Variants in ZBTB20 observed in about 807,000 individuals in gnomAD.
The protein encoded by ZBTB20 is zinc finger and BTB domain-containing protein 20.
In ZBTB20, 9 loss-of-function variants were observed where a neutral mutation model predicts 56.9. The ratio of observed to expected loss-of-function variants is 0.16; its 90% confidence interval spans 0.10 to 0.28. The LOEUF (loss-of-function observed/expected upper bound fraction) is 0.28, where lower values mean the gene tolerates loss of function less well. Among genes scored for constraint, ZBTB20 ranks in the 10% least tolerant of loss-of-function variants. The pLI, the probability that ZBTB20 is intolerant of heterozygous loss-of-function variation, is 1.00. For synonymous variants in ZBTB20, 417 were observed against 420.7 expected (o/e 0.99, Z 0.11); for missense variants, 655 against 1,003.0 (o/e 0.65, Z 4.69).
At chr3:114,929,334 TG>T (rs2076273290) in intron 3 of ZBTB20, among the ~76,000 whole-genome samples, 1 of 152,152 alleles carries the variant, frequency 6.6e-6, no homozygotes, top group Non-Finnish European at 1.5e-5. Context: ...TGTTCCTACC[TG>T]GAAAATAGGG....
At chr3:114,617,067 C>T (rs2057988932) in intron 6 of ZBTB20, among the ~76,000 whole-genome samples, 1 of 152,100 alleles carries the variant, frequency 6.6e-6, no homozygotes, top group African/African-American at 2.4e-5. Context: ...CTCTATTCTC[C>T]CACTCCTATA....
chr3:114,838,062 G>A (rs1421709726), intron 4 of ZBTB20, among the ~76,000 whole-genome samples: 1 of 152,208 alleles, frequency 6.6e-6, no homozygotes, highest in African/African-American at 2.4e-5. Flanking sequence ...TAAGCAGAAA[G>A]TAGCAGTACA....
At chr3:114,526,112 C>T (rs2047190297) in intron 6 of ZBTB20, among the ~76,000 whole-genome samples, 1 of 152,042 alleles carries the variant, frequency 6.6e-6, no homozygotes, top group African/African-American at 2.4e-5. Flanking sequence ...ATTTGTTTTT[C>T]CTTGGCTCCA....
At chr3:114,709,202 T>C (rs551235815) in intron 5 of ZBTB20, among the ~76,000 whole-genome samples, 1 of 152,264 alleles carries the variant, frequency 6.6e-6, no homozygotes, top group Non-Finnish European at 1.5e-5. Context: ...TCAGCCTCCA[T>C]AGTATTAATT....
At chr3:114,371,859 A>G (rs1217009421) in intron 10 of ZBTB20, among the ~76,000 whole-genome samples, 2 of 152,142 alleles carry the variant, frequency 1.3e-5, no homozygotes, top group African/African-American at 4.8e-5. Flanking sequence ...ATAAAAAGTT[A>G]GAACTGGCAC....
intron 1 of ZBTB20, among the ~76,000 whole-genome samples, chr3:115,125,588 G>A (rs1482827207): frequency 1.3e-5 from 2 of 152,150 alleles, no homozygotes; most frequent in African/African-American, 4.8e-5. Context: ...AGATGGGAGA[G>A]ATGTTGGTTT....
At chr3:114,991,897 GTCTGTT>G (rs1477138326) in intron 2 of ZBTB20, among the ~76,000 whole-genome samples, 1 of 152,022 alleles carries the variant, frequency 6.6e-6, no homozygotes, top group Admixed American at 6.6e-5. Flanking sequence ...TTGGTTTAAA[GTCTGTT>G]TTATCAGAGA....
At chr3:114,903,867 G>T (rs2075220927) in intron 3 of ZBTB20, among the ~76,000 whole-genome samples, 1 of 151,866 alleles carries the variant, frequency 6.6e-6, no homozygotes, top group Admixed American at 6.6e-5. Context: ...TTATATATGA[G>T]GTTTGCAACT....
chr3:114,744,066 C>A (rs931454813), intron 5 of ZBTB20, among the ~76,000 whole-genome samples: 1 of 152,178 alleles, frequency 6.6e-6, no homozygotes. Flanking sequence ...GTTAAGGTAC[C>A]AACCACGCAC....
At chr3:114,364,977 C>T (rs531236157) in intron 10 of ZBTB20, among the ~76,000 whole-genome samples, 32 of 152,212 alleles carry the variant, frequency 2.1e-4, no homozygotes, top group African/African-American at 7.5e-4. Context: ...TCTGATGTGC[C>T]GGCGCCTGGT....
At chr3:114,468,027 A>C (rs940676953) in intron 7 of ZBTB20, among the ~76,000 whole-genome samples, 5 of 152,194 alleles carry the variant, frequency 3.3e-5, no homozygotes, top group Admixed American at 3.3e-4. Context: ...CATGTTATTA[A>C]GTGCAATGTT....
intron 4 of ZBTB20, among the ~76,000 whole-genome samples, chr3:114,884,402 T>A (rs1446048682): frequency 6.6e-6 from 1 of 152,218 alleles, no homozygotes; most frequent in South Asian, 2.1e-4. Flanking sequence ...ATGTTCACAG[T>A]AGACGGCCTA....
At chr3:115,038,579 T>C (rs937720849) in intron 2 of ZBTB20, among the ~76,000 whole-genome samples, 1 of 152,010 alleles carries the variant, frequency 6.6e-6, no homozygotes. Context: ...CCCAGTGAAG[T>C]TTCCTGAATA....
At chr3:114,541,492 A>G (rs2110107576) in intron 6 of ZBTB20, among the ~76,000 whole-genome samples, 1 of 152,234 alleles carries the variant, frequency 6.6e-6, no homozygotes, top group African/African-American at 2.4e-5. Context: ...ATTCTTTTTT[A>G]AACTACAATG....
chr3:114,919,034 A>G (rs1325350757), intron 3 of ZBTB20, among the ~76,000 whole-genome samples: 1 of 152,222 alleles, frequency 6.6e-6, no homozygotes, highest in Non-Finnish European at 1.5e-5. Flanking sequence ...TTGATACTTG[A>G]GTTCCAACCA....
intron 2 of ZBTB20, among the ~76,000 whole-genome samples, chr3:115,044,262 G>T (rs2081257660): frequency 6.6e-6 from 1 of 152,192 alleles, no homozygotes; most frequent in Non-Finnish European, 1.5e-5. Flanking sequence ...TATTCTTACT[G>T]CAAGCCAACC....
At chr3:114,363,367 T>A (rs1472993134) in intron 10 of ZBTB20, among the ~76,000 whole-genome samples, 1 of 152,164 alleles carries the variant, frequency 6.6e-6, no homozygotes, top group African/African-American at 2.4e-5. Flanking sequence ...ACACCAAATA[T>A]CTCTATGGGA....
intron 6 of ZBTB20, among the ~76,000 whole-genome samples, chr3:114,604,530 C>A (rs140206976): frequency 6.6e-6 from 1 of 151,794 alleles, no homozygotes; most frequent in African/African-American, 2.4e-5. Context: ...TATATTTAAA[C>A]AAATATATTT....
intron 3 of ZBTB20, among the ~76,000 whole-genome samples, chr3:114,941,260 T>C (rs952095487): frequency 6.8e-6 from 1 of 146,240 alleles, no homozygotes; most frequent in Non-Finnish European, 1.5e-5. Context: ...CATACTACTC[T>C]TCATTTAGTT....
Sources: allele counts gnomAD v4.1 joint callset (sites outside exome capture counted in the v4.1 genomes callset), GRCh38; gene constraint gnomAD v4.1.1; transcripts MANE v1.5; gene names NCBI Gene and HGNC (gene_info 2026-07-23, HGNC 2026-07-21).